The following USH2A variants were observed in gnomAD, a reference collection of about 807,000 sequenced individuals.
USH2A encodes Usher syndrome 2A (autosomal recessive, mild).
A neutral mutation model predicts 538.9 loss-of-function variants in USH2A; 443 were observed. That is an observed-to-expected ratio of 0.82 (90% CI 0.76 to 0.89). USH2A has a LOEUF of 0.89. Among genes scored for constraint, USH2A ranks in the 40% least tolerant of loss-of-function variants. USH2A has a pLI of 0.00. For missense variants in USH2A, 6,633 were observed against 6,324.8 expected, an observed-to-expected ratio of 1.05 and a Z score of -1.65; for synonymous variants, 2,413 against 2,273.5, an observed-to-expected ratio of 1.06 and a Z score of -1.75.
At chr1:216,206,451 A>G (rs1194786637) in intron 16 of USH2A, among the ~76,000 whole-genome samples, 3 of 152,090 alleles carry the variant, frequency 2.0e-5, no homozygotes, top group Non-Finnish European at 4.4e-5. Flanking sequence ...GATCCCTCGC[A>G]TGCACAGTTC....
rs568030227 is a variant in USH2A, at chr1:216,200,790, T to C, written c.3317-669A>G. On this transcript the variant is annotated intron_variant, in intron 16 of 71. Transcript: ENST00000307340. The stretch of plus-strand genomic sequence containing the variant: ...CACATGGCTGGAAATCCTTGTTCTC[T>C]AAGGACAGGAAACACACTGTAGGAC... 7.9e-5 allele frequency among the ~76,000 whole-genome samples: 12 copies of C among 152,234 alleles called. No individual in the cohort carries two copies. The East Asian group carries it at 2.1e-3, about 27-fold the overall frequency.
intron 21 of USH2A, among the ~76,000 whole-genome samples, chr1:216,161,534 C>A (rs570224217): frequency 6.6e-6 from 1 of 152,150 alleles, no homozygotes; most frequent in South Asian, 2.1e-4. Context: ...TACATGTTAT[C>A]AACTTCAAAG....
At chr1:215,704,898 C>T (rs1659140787) in intron 61 of USH2A, among the ~76,000 whole-genome samples, 1 of 152,020 alleles carries the variant, frequency 6.6e-6, no homozygotes, top group African/African-American at 2.4e-5. Context: ...ATCTATTTAC[C>T]TGCCTTTTCT....
At chr1:216,092,105 C>T (rs569674600) in intron 22 of USH2A, among the ~76,000 whole-genome samples, 6 of 152,228 alleles carry the variant, frequency 3.9e-5, no homozygotes, top group African/African-American at 1.4e-4. Flanking sequence ...ACGTTGTAAG[C>T]CAGAAAAATG....
intron 61 of USH2A, among the ~76,000 whole-genome samples, chr1:215,698,041 T>C (rs1658876423): frequency 6.6e-6 from 1 of 152,152 alleles, no homozygotes; most frequent in African/African-American, 2.4e-5. Flanking sequence ...TATGTTCTCA[T>C]TGTTCAACTC....
At position 215,900,190 on chromosome 1, in the gene USH2A, T is replaced by A; in HGVS notation, c.7479A>T (p.Leu2493Phe). The change falls in exon 40 of 72, where the codon TTA becomes TTT. Residue 2493 changes from leucine to phenylalanine, a missense_variant. Leu to Phe is a conservative substitution (Grantham distance 22). Transcript: ENST00000307340. ...LELFSNPSAS[L>F]SYEVSDLQPY... is the part of the protein sequence containing the mutation. ...GTTGGAGATCACTCACTTCATAGCT[T>A]AACGATGCAGAAGGATTGGAAAATA... The A allele has an allele frequency of 6.2e-7, 1 of 1,613,622 alleles. No individual in the cohort carries two copies. The highest frequency in any genetic ancestry group is 2.2e-5 in the East Asian group (1 of 44,838).
At chr1:216,241,701 A>G (rs2035941335) in intron 13 of USH2A, among the ~76,000 whole-genome samples, 1 of 151,924 alleles carries the variant, frequency 6.6e-6, no homozygotes. Context: ...TGCCCAGCTA[A>G]TTTTGTATCT....
At chr1:215,770,933 C>T (rs551126304) in intron 55 of USH2A, among the ~76,000 whole-genome samples, 353 of 136,364 alleles carry the variant, frequency 2.6e-3, no homozygotes, top group Non-Finnish European at 4.1e-3. Flanking sequence ...AGTGAAACCC[C>T]GTCTCTACTA....
In USH2A at chr1:216,125,974, G is replaced by A. The variant is rs140293307; in HGVS notation, c.4628-28761C>T. On this transcript the variant is annotated intron_variant, in intron 21 of 71. Coordinates refer to ENST00000307340, the MANE Select transcript of USH2A (RefSeq NM_206933.4). The stretch of plus-strand genomic sequence containing the variant: ...AAGTGATTCAAAGAGCATATGATGT[G>A]TTGGGTTAATTTTTGTAACTTTGGA... Among the ~76,000 whole-genome samples, 564 of 152,284 alleles carry A rather than the reference G, an allele frequency of 3.7e-3. 2 individuals are homozygous for A. The highest frequency in any genetic ancestry group is 0.013 in the African/African-American group (546 of 41,554).
Position 215,651,209 on chromosome 1 carries a change from T to C in USH2A, c.14134-408A>G, listed in dbSNP as rs375378586. On this transcript the variant is annotated intron_variant, in intron 64 of 71. Coordinates refer to ENST00000307340, the MANE Select transcript of USH2A (RefSeq NM_206933.4). ...TGTCCCCACCAAATCTGCATGAAAA[T>C]TAAATTTCCTTTCATCAAGGAGGGA... Among the ~76,000 whole-genome samples, 3 of 152,298 alleles carry C rather than the reference T, an allele frequency of 2.0e-5. No individual in the cohort carries two copies. The East Asian group carries it at 5.8e-4, about 29-fold the overall frequency.
intron 4 of USH2A, among the ~76,000 whole-genome samples, chr1:216,347,298 G>C (rs922571010): frequency 6.6e-6 from 1 of 152,060 alleles, no homozygotes; most frequent in Non-Finnish European, 1.5e-5. Context: ...CTCTATTAAT[G>C]AGTAAAGGTT....
chr1:215,719,595 T>A (rs974150318), intron 61 of USH2A, among the ~76,000 whole-genome samples: 9 of 152,214 alleles, frequency 5.9e-5, no homozygotes, highest in Non-Finnish European at 1.2e-4. Context: ...ACCAGAACCT[T>A]ATCTACATTT....
chr1:216,163,260 G>A (rs536754801), intron 21 of USH2A, among the ~76,000 whole-genome samples: 12 of 151,758 alleles, frequency 7.9e-5, no homozygotes, highest in East Asian at 1.9e-4. Context: ...CTGTTACTCC[G>A]CTCTAAAATT....
chr1:216,019,740 GT>G (rs1668803159), intron 32 of USH2A, among the ~76,000 whole-genome samples: 1 of 152,132 alleles, frequency 6.6e-6, no homozygotes, highest in Admixed American at 6.6e-5. Context: ...ATGTCTTGCA[GT>G]TTAATTTGGA....
chr1:216,155,453 T>C (rs890594921), intron 21 of USH2A, among the ~76,000 whole-genome samples: 1 of 152,142 alleles, frequency 6.6e-6, no homozygotes, highest in Admixed American at 6.5e-5. Context: ...TTCAAACTGA[T>C]CCCACCTGGA....
At chr1:216,278,796 C>T (rs191635311) in intron 11 of USH2A, among the ~76,000 whole-genome samples, 1 of 152,280 alleles carries the variant, frequency 6.6e-6, no homozygotes, top group African/African-American at 2.4e-5. Context: ...GACTTTTGGA[C>T]ATGTTATGGT....
At chr1:216,416,177 C>G (rs893125615) in intron 3 of USH2A, among the ~76,000 whole-genome samples, 1 of 151,956 alleles carries the variant, frequency 6.6e-6, no homozygotes, top group Non-Finnish European at 1.5e-5. Context: ...AAAAAAAAAT[C>G]TATAATATGG....
chr1:216,148,529 T>C (rs548085340), intron 21 of USH2A, among the ~76,000 whole-genome samples: 12 of 152,174 alleles, frequency 7.9e-5, no homozygotes, highest in South Asian at 6.2e-4. Flanking sequence ...CCCCACTCAA[T>C]GCCAATATCC....
At chr1:215,829,627 T>G (rs1042771844) in intron 47 of USH2A, among the ~76,000 whole-genome samples, 1 of 152,208 alleles carries the variant, frequency 6.6e-6, no homozygotes, top group Non-Finnish European at 1.5e-5. Context: ...AACTAACAAG[T>G]ATACATTGCC....
Sources: gnomAD v4.1 joint callset for allele counts (sites outside exome capture counted in the v4.1 genomes callset) on GRCh38, gnomAD v4.1.1 for gene constraint, MANE v1.5 for transcripts, NCBI Gene and HGNC (gene_info 2026-07-23, HGNC 2026-07-21) for gene names.